The following MEGF8 variants were observed in gnomAD, a reference collection of about 807,000 sequenced individuals.
MEGF8 encodes the protein multiple EGF like domains 8.
MEGF8 carries 156 observed loss-of-function variants against 302.9 expected under a neutral mutation model. That is an observed-to-expected ratio of 0.52 (90% CI 0.45 to 0.59). The LOEUF is 0.59. MEGF8 is among the 20% of genes least tolerant of loss of function. The pLI is 0.00. For synonymous variants in MEGF8, 1,621 were observed against 1,660.5 expected, an observed-to-expected ratio of 0.98 and a Z score of 0.58; for missense variants, 3,345 against 3,964.5, an observed-to-expected ratio of 0.84 and a Z score of 4.20.
chr19:42,341,779 T>C, intron 8 of MEGF8, among the ~76,000 whole-genome samples: 1 of 152,144 alleles, frequency 6.6e-6, no homozygotes, highest in East Asian at 1.9e-4. Flanking sequence ...TAGGGTCCTG[T>C]CTCAGGGCCA....
In MEGF8 at chr19:42,359,082, C is replaced by G. The variant is rs747682702; in HGVS notation, c.5344-16C>G. 10 of 1,508,908 alleles carry G rather than the reference C, an allele frequency of 6.6e-6. No homozygotes were observed. The highest frequency in any genetic ancestry group is 8.9e-6 in the Non-Finnish European group (10 of 1,124,566). 93.5% of individuals were successfully genotyped at this position (1,508,908 alleles called of 1,614,324 possible). A position where few individuals can be genotyped will look rare whatever the true frequency, so the allele number is the denominator to read the frequency against. On this transcript the variant is annotated splice_polypyrimidine_tract_variant and intron_variant, in intron 30 of 41. Transcript: ENST00000251268. ...GACAGGCTGTCCTGTCCCCCCACCC[C>G]CCGTCTCCCCAACAGCCCCGCCCCC...
rs2039642341 is a variant in MEGF8 at position 42,368,685 on chromosome 19, G to A, written c.6481+23G>A. On this transcript the variant is annotated intron_variant, in intron 36 of 41. Coordinates refer to ENST00000251268, the MANE Select transcript of MEGF8 (RefSeq NM_001271938.2). The surrounding 1 kb of genome is among the most constrained non-coding windows in gnomAD (Gnocchi z 4.9). ...ATGGTGAGAGGGCTTTGGGCACTGG[G>A]GGAGAGGGGCTGGCCCTTGGTTGGG... 2 of 1,532,292 alleles carry A rather than the reference G, an allele frequency of 1.3e-6. No individual in the cohort carries two copies. The highest frequency in any genetic ancestry group is 2.0e-5 in the Admixed American group (1 of 48,926). The allele number at this position is 1,532,292 out of a possible 1,614,324, so 94.9% of individuals were successfully genotyped here. A position where few individuals can be genotyped will look rare whatever the true frequency, so the allele number is the denominator to read the frequency against.
chr19:42,335,308 A>C lies in MEGF8; in HGVS notation c.751A>C (p.Asn251His). The change falls in exon 5 of 42, where the codon AAC (asparagine) becomes CAC (histidine). Residue 251 changes from asparagine (N) to histidine (H), a missense_variant. By Grantham distance (68) the Asn-to-His change is moderately conservative (BLOSUM62 1). Transcript: ENST00000251268. ...CCACCCCTCCACAGGCCAGGACCTCAACAATGCCCTGGGTGACCTCGTCCT... is the reference window on the plus strand; with the variant it reads ...CCACCCCTCCACAGGCCAGGACCTCCACAATGCCCTGGGTGACCTCGTCCT... ...LLAVFGGQDL[N>H]NALGDLVLYN... is the part of the protein sequence containing the mutation. 6.2e-7 allele frequency: 1 copy of C among 1,614,006 alleles called. No homozygotes were observed. Among genetic ancestry groups the C allele is most frequent in the Non-Finnish European group, 8.5e-7 (1 of 1,179,894 alleles).
chr19:42,376,989 A>C lies in MEGF8; in HGVS notation c.*214A>C. 2.1e-6 allele frequency: 1 copy of C among 483,356 alleles called. No homozygotes were observed. The highest frequency in any genetic ancestry group is 3.5e-6 in the Non-Finnish European group (1 of 288,918). 29.9% of individuals were successfully genotyped at this position (483,356 alleles called of 1,614,324 possible). ...CAGGCACTGTCATAGGCGTGGGGCA[A>C]AGCAGGAACCAAGAGACGAGGTTCC... On this transcript the variant is annotated 3_prime_UTR_variant, in exon 42 of 42. Transcript: ENST00000251268. This position sits in a 1 kb window ranked among gnomAD's most constrained non-coding sequence, Gnocchi z 8.2.
In MEGF8 at chr19:42,375,713, G is replaced by A. The variant is rs199786210; in HGVS notation, c.7476G>A (p.Thr2492=). The A allele has an allele frequency of 2.3e-5, 37 of 1,611,658 alleles. No individual in the cohort carries two copies. In the African/African-American group the frequency reaches 2.9e-4, roughly 13 times the overall value. The change falls in exon 42 of 42, where the codon ACG becomes ACA. Residue 2492 remains threonine, a synonymous_variant. Transcript: ENST00000251268. This position sits in a 1 kb window ranked among gnomAD's most constrained non-coding sequence, Gnocchi z 7.1. ...PKFTNVDIRL[T]LDVTFGAVDL... The stretch of plus-strand genomic sequence containing the variant: ...TCACCAACGTGGACATCCGCCTGAC[G>A]CTGGACGTGACCTTCGGGGCCGTGG...
chr19:42,352,333 A>G lies in MEGF8; in HGVS notation c.3227A>G (p.Asp1076Gly). ...RWAYARCPDV[D>G]ECRLGLARCH... ...GCATACGCCCGCTGTCCTGACGTGG[A>G]TGAGTGTCGCCTGGGCCTGGCCCGG... The change falls in exon 19 of 42, where the codon GAT (aspartate) becomes GGT (glycine). Residue 1076 changes from aspartate to glycine, a missense_variant. By Grantham distance (94) the Asp-to-Gly change is moderately conservative. Transcript: ENST00000251268. This position sits in a 1 kb window ranked among gnomAD's most constrained non-coding sequence, Gnocchi z 4.4. The G allele has an allele frequency of 1.3e-6, 2 of 1,585,554 alleles. No individual in the cohort carries two copies. Among genetic ancestry groups the G allele is most frequent in the Non-Finnish European group, 1.7e-6 (2 of 1,166,706 alleles).
intron 3 of MEGF8, 63 bp downstream of exon 3, chr19:42,334,276 C>T (rs1447118977): frequency 8.4e-6 from 12 of 1,436,998 alleles, no homozygotes; most frequent in East Asian, 7.3e-5. Context: ...CCTCCACGCC[C>T]ATCTCCTAGG....
At position 42,375,675 on chromosome 19, in the gene MEGF8, G is replaced by C. The variant is rs766625279; in HGVS notation, c.7438G>C (p.Val2480Leu). ...LGPGRTVLFG[V>L]QPKFTNVDIR... ...CCCCGGCCGCACTGTCCTCTTTGGCGTGCAGCCCAAATTCACCAACGTGGA... is the reference window on the plus strand; with the variant it reads ...CCCCGGCCGCACTGTCCTCTTTGGCCTGCAGCCCAAATTCACCAACGTGGA... The change falls in exon 42 of 42, where the codon GTG becomes CTG. Residue 2480 changes from valine to leucine, a missense_variant. Val to Leu is a conservative substitution (Grantham distance 32). Coordinates refer to ENST00000251268, the MANE Select transcript of MEGF8 (RefSeq NM_001271938.2). The surrounding 1 kb of genome is among the most constrained non-coding windows in gnomAD (Gnocchi z 7.1). 6.2e-7 allele frequency: 1 copy of C among 1,610,374 alleles called. No homozygotes were observed.
At chr19:42,373,117 G>A (rs1256999037) in intron 41 of MEGF8, among the ~76,000 whole-genome samples, 4 of 150,740 alleles carry the variant, frequency 2.7e-5, no homozygotes, top group Non-Finnish European at 5.9e-5. Context: ...TTTTTGAGAC[G>A]GAGTCTCACT....
intron 1 of MEGF8, among the ~76,000 whole-genome samples, chr19:42,327,963 C>T (rs903415715): frequency 6.6e-6 from 1 of 152,152 alleles, no homozygotes; most frequent in Non-Finnish European, 1.5e-5. Context: ...GGTGTGATGG[C>T]GCGCGCCTGT....
intron 1 of MEGF8, among the ~76,000 whole-genome samples, chr19:42,328,693 T>G (rs1292394797): frequency 6.6e-6 from 1 of 152,082 alleles, no homozygotes; most frequent in Non-Finnish European, 1.5e-5. Flanking sequence ...CCCAGCACTT[T>G]GGGAGACCAA....
intron 8 of MEGF8, among the ~76,000 whole-genome samples, chr19:42,338,801 C>CTTT (rs113443328): frequency 1.8e-5 from 1 of 54,360 alleles, no homozygotes; most frequent in Non-Finnish European, 4.2e-5. Context: ...ACCACATTTT[C>CTTT]TTTTTTTTTT....
At chr19:42,349,437 G>A in intron 13 of MEGF8, 62 bp from the exon 14 acceptor site, 1 of 1,463,910 alleles carries the variant, frequency 6.8e-7, no homozygotes. Flanking sequence ...GAGGTATCAG[G>A]GGTCTGAGGA....
chr19:42,326,066 G>C lies in MEGF8; in HGVS notation c.-178G>C. 9.5e-7 allele frequency: 1 copy of C among 1,056,034 alleles called. No individual in the cohort carries two copies. Among genetic ancestry groups the C allele is most frequent in the Non-Finnish European group, 1.3e-6 (1 of 788,524 alleles). 65.4% of individuals were successfully genotyped at this position (1,056,034 alleles called of 1,614,324 possible). On this transcript the variant is annotated 5_prime_UTR_variant, in exon 1 of 42. Transcript: ENST00000251268. ...TAGGGCTCAGCCCTCGGCTTCCAGA[G>C]CCTGTCAGCAGTGGCCGTACCCTTC...
intron 8 of MEGF8, among the ~76,000 whole-genome samples, chr19:42,341,566 A>T (rs1215667240): frequency 6.6e-6 from 1 of 152,034 alleles, no homozygotes; most frequent in Non-Finnish European, 1.5e-5. Context: ...CCTCCCAAAT[A>T]GCTGTGACCA....
At chr19:42,374,891 G>C (rs571535572) in intron 41 of MEGF8, among the ~76,000 whole-genome samples, 1 of 152,194 alleles carries the variant, frequency 6.6e-6, no homozygotes, top group Non-Finnish European at 1.5e-5. Context: ...TGAGAAGGAG[G>C]CTCTTGAGCA....
At position 42,375,423 on chromosome 19, in the gene MEGF8, A is replaced by C; in HGVS notation, c.7270-84A>C. The C allele has an allele frequency of 6.0e-6, 8 of 1,324,268 alleles. No homozygotes were observed. The highest frequency in any genetic ancestry group is 7.2e-6 in the Non-Finnish European group (7 of 978,598). 82.0% of individuals were successfully genotyped at this position (1,324,268 alleles called of 1,614,324 possible). A position where few individuals can be genotyped will look rare whatever the true frequency, so the allele number is the denominator to read the frequency against. ...GGGCAATGGCTACTTAGCAGTGGGTATAGAGTATTCGTCACTGCTGCTTGG... is the reference window on the plus strand; with the variant it reads ...GGGCAATGGCTACTTAGCAGTGGGTCTAGAGTATTCGTCACTGCTGCTTGG... On this transcript the variant is annotated intron_variant, in intron 41 of 41. Transcript: ENST00000251268. The surrounding 1 kb of genome is among the most constrained non-coding windows in gnomAD (Gnocchi z 7.1).
intron 14 of MEGF8, 55 bp downstream of exon 14, chr19:42,349,754 C>T (rs2147472926): frequency 1.9e-6 from 3 of 1,562,134 alleles, no homozygotes; most frequent in East Asian, 2.3e-5. Context: ...CCTCAGATCA[C>T]CTGGGCTTTC....
In MEGF8 at chr19:42,375,424, T is replaced by C; in HGVS notation, c.7270-83T>C. The C allele has an allele frequency of 7.5e-7, 1 of 1,336,300 alleles. No homozygotes were observed. Among genetic ancestry groups the C allele is most frequent in the South Asian group, 1.4e-5 (1 of 69,798 alleles). 82.8% of individuals were successfully genotyped at this position (1,336,300 alleles called of 1,614,324 possible). On this transcript the variant is annotated intron_variant, in intron 41 of 41. Transcript: ENST00000251268. This position sits in a 1 kb window ranked among gnomAD's most constrained non-coding sequence, Gnocchi z 7.1. ...GGCAATGGCTACTTAGCAGTGGGTA[T>C]AGAGTATTCGTCACTGCTGCTTGGG...
Sources: gnomAD v4.1 joint callset for allele counts (sites outside exome capture counted in the v4.1 genomes callset) on GRCh38, gnomAD v4.1.1 for gene constraint, Gnocchi (gnomAD v3.1) non-coding constraint, MANE v1.5 for transcripts, NCBI Gene and HGNC (gene_info 2026-07-23, HGNC 2026-07-21) for gene names.